The following TMEM131L variants were observed in gnomAD, a reference collection of about 807,000 sequenced individuals.
TMEM131L encodes the protein transmembrane protein 131-like.
TMEM131L carries 54 observed loss-of-function variants against 192.2 expected under a neutral mutation model. The ratio of observed to expected loss-of-function variants is 0.28; its 90% CI spans 0.23 to 0.35. The LOEUF is 0.35. Among genes scored for constraint, TMEM131L ranks in the 10% least tolerant of loss-of-function variants. TMEM131L has a pLI of 1.00. For synonymous variants in TMEM131L, 701 were observed against 704.9 expected, an observed-to-expected ratio of 0.99 and a Z score of 0.09; for missense variants, 1,888 against 1,972.9, an observed-to-expected ratio of 0.96 and a Z score of 0.82.
chr4:153,525,381 C>A (rs1222802834), intron 3 of TMEM131L, among the ~76,000 whole-genome samples: 1 of 152,090 alleles, frequency 6.6e-6, no homozygotes, highest in Non-Finnish European at 1.5e-5. Flanking sequence ...ACTCTGTCAC[C>A]CAGGCTGGAG....
intron 3 of TMEM131L, among the ~76,000 whole-genome samples, chr4:153,543,768 T>G (rs1252827716): frequency 6.6e-6 from 1 of 152,214 alleles, no homozygotes; most frequent in Non-Finnish European, 1.5e-5. Context: ...ACACACTGTT[T>G]AGAAGAAAGG....
chr4:153,634,313 A>G (rs1734425176), intron 33 of TMEM131L, 33 bp downstream of exon 33: 1 of 1,517,912 alleles, frequency 6.6e-7, no homozygotes. Flanking sequence ...CAACGCCATT[A>G]TTTTATTCTT....
intron 14 of TMEM131L, 82 bp from the exon 15 acceptor site, chr4:153,587,660 G>T (rs1349967081): frequency 9.8e-7 from 1 of 1,020,726 alleles, no homozygotes. Flanking sequence ...GCAGACCAAT[G>T]TCTGCTTTGA....
At chr4:153,524,139 T>TG (rs1735311835) in intron 3 of TMEM131L, among the ~76,000 whole-genome samples, 1 of 151,538 alleles carries the variant, frequency 6.6e-6, no homozygotes, top group Admixed American at 6.6e-5. Flanking sequence ...CTGTTTTTTT[T>TG]TTTTTTTTTT....
At chr4:153,486,619 A>G (rs1432294358) in intron 3 of TMEM131L, among the ~76,000 whole-genome samples, 1 of 152,188 alleles carries the variant, frequency 6.6e-6, no homozygotes, top group East Asian at 1.9e-4. Context: ...TCACGTTTGC[A>G]GGAGGTCTGT....
chr4:153,482,528 A>G (rs575793785), intron 3 of TMEM131L, among the ~76,000 whole-genome samples: 120 of 152,302 alleles, frequency 7.9e-4, no homozygotes, highest in African/African-American at 2.8e-3. Flanking sequence ...AATCAGAAAA[A>G]TAGTACAGTA....
At chr4:153,474,943 A>C (rs1731423701) in intron 3 of TMEM131L, among the ~76,000 whole-genome samples, 1 of 152,132 alleles carries the variant, frequency 6.6e-6, no homozygotes. Context: ...AAGACACTCT[A>C]AGTGGTGTAT....
At chr4:153,580,940 C>T (rs1730290245) in intron 8 of TMEM131L, 37 bp downstream of exon 8, 1 of 1,377,144 alleles carries the variant, frequency 7.3e-7, no homozygotes, top group Non-Finnish European at 1.0e-6. Flanking sequence ...CTCTGCTTTC[C>T]TCCTGCCTCT....
At chr4:153,488,907 G>A (rs936759047) in intron 3 of TMEM131L, among the ~76,000 whole-genome samples, 9 of 152,042 alleles carry the variant, frequency 5.9e-5, no homozygotes, top group African/African-American at 1.4e-4. Context: ...GTCTCTTGTC[G>A]CACAGCGCTC....
chr4:153,556,590 G>A (rs182991158), intron 5 of TMEM131L, among the ~76,000 whole-genome samples: 8 of 152,276 alleles, frequency 5.3e-5, no homozygotes, highest in Admixed American at 2.6e-4. Context: ...CTGGGTAAAC[G>A]TTGTTCCTGA....
At chr4:153,633,189 GAACACGTTT>G (rs1734335764) in intron 32 of TMEM131L, 1 of 198,564 alleles carries the variant, frequency 5.0e-6, no homozygotes, top group Non-Finnish European at 1.0e-5. Flanking sequence ...CATTATTCTT[GAACACGTTT>G]AACGTTGTAT....
At chr4:153,588,760 G>A (rs1561218644) in intron 15 of TMEM131L, 130 bp from the exon 16 acceptor site, 3 of 582,712 alleles carry the variant, frequency 5.1e-6, no homozygotes, top group African/African-American at 1.9e-5. Context: ...AAGCAGCAGA[G>A]ACAGAGGTGG....
At position 153,567,111 on chromosome 4, in the gene TMEM131L, A is replaced by C. The variant is rs1396780976; in HGVS notation, c.660+8743A>C. ...AATCTAGAAGGGAAGCTGTAAAATC[A>C]GGGTAAGGAGGAGAACGTGGAAAGC... On this transcript the variant is annotated intron_variant, in intron 7 of 34. Coordinates refer to ENST00000409959, the MANE Select transcript of TMEM131L (RefSeq NM_001131007.2). Among the ~76,000 whole-genome samples the C allele has an allele frequency of 1.8e-4, 28 of 152,228 alleles. 1 individual carries two copies. Among genetic ancestry groups the C allele is most frequent in the Non-Finnish European group, 4.4e-5 (3 of 68,038 alleles).
chr4:153,617,463 A>G (rs1446375910), intron 26 of TMEM131L, among the ~76,000 whole-genome samples: 3 of 152,218 alleles, frequency 2.0e-5, no homozygotes, highest in Non-Finnish European at 2.9e-5. Context: ...TGCTACTTTC[A>G]TTCTCCTCTG....
At chr4:153,527,906 C>G (rs1735613887) in intron 3 of TMEM131L, among the ~76,000 whole-genome samples, 1 of 152,200 alleles carries the variant, frequency 6.6e-6, no homozygotes, top group African/African-American at 2.4e-5. Context: ...GCATTTGTCT[C>G]TCTTCAGTTT....
intron 3 of TMEM131L, among the ~76,000 whole-genome samples, chr4:153,478,892 T>TA (rs773413147): frequency 3.2e-5 from 4 of 124,858 alleles, no homozygotes; most frequent in Non-Finnish European, 6.4e-5. Flanking sequence ...CAGGTGGACT[T>TA]AAAGTTAATA....
At chr4:153,587,497 G>A (rs1339904741) in intron 14 of TMEM131L, among the ~76,000 whole-genome samples, 1 of 151,996 alleles carries the variant, frequency 6.6e-6, no homozygotes, top group East Asian at 1.9e-4. Context: ...TTGGTGTCTT[G>A]TGGGCCCAAG....
intron 3 of TMEM131L, among the ~76,000 whole-genome samples, chr4:153,517,142 T>G (rs1413878680): frequency 6.6e-6 from 1 of 152,206 alleles, no homozygotes; most frequent in African/African-American, 2.4e-5. Flanking sequence ...CTTTTAAATT[T>G]TAATCTAAGA....
chr4:153,530,862 G>A (rs1482047193), intron 3 of TMEM131L, among the ~76,000 whole-genome samples: 1 of 152,152 alleles, frequency 6.6e-6, no homozygotes, highest in East Asian at 1.9e-4. Flanking sequence ...CCCCTTGTGG[G>A]CCAGTTCCAT....
Sources: allele counts gnomAD v4.1 joint callset (sites outside exome capture counted in the v4.1 genomes callset), GRCh38; gene constraint gnomAD v4.1.1; transcripts MANE v1.5; gene names NCBI Gene and HGNC (gene_info 2026-07-23, HGNC 2026-07-21).